EYS: variants seen among roughly 807,000 people sequenced by gnomAD.
EYS encodes protein eyes shut homolog.
Under a neutral mutation model 282.1 loss-of-function variants are expected in EYS, and 250 were observed. The ratio of observed to expected loss-of-function variants is 0.89; its 90% confidence interval spans 0.80 to 0.98. The LOEUF is 0.98. EYS is among the 50% of genes least tolerant of loss of function. EYS has a pLI of 0.00. For synonymous variants in EYS, 1,355 were observed against 1,282.9 expected (o/e 1.06, Z -1.20); for missense variants, 4,016 against 3,709.0 (o/e 1.08, Z -2.15).
At chr6:63,764,603 A>G (rs2149657290) in intron 40 of EYS, among the ~76,000 whole-genome samples, 1 of 152,112 alleles carries the variant, frequency 6.6e-6, no homozygotes, top group Non-Finnish European at 1.5e-5. Context: ...AGAGCTCACA[A>G]TGGTAAAATA....
chr6:64,332,707 C>T (rs951526705), intron 29 of EYS, among the ~76,000 whole-genome samples: 31 of 152,270 alleles, frequency 2.0e-4, no homozygotes, highest in East Asian at 1.9e-3. Flanking sequence ...GGTCGGTCCA[C>T]GCACAGCTGA....
chr6:64,837,792 G>A (rs988036539), intron 19 of EYS, among the ~76,000 whole-genome samples: 2 of 150,520 alleles, frequency 1.3e-5, no homozygotes, highest in East Asian at 2.0e-4. Context: ...AAAATCAGTG[G>A]CATTTCTATA....
intron 35 of EYS, among the ~76,000 whole-genome samples, chr6:63,885,955 G>A (rs1236043825): frequency 6.6e-6 from 1 of 152,100 alleles, no homozygotes; most frequent in African/African-American, 2.4e-5. Flanking sequence ...AACAATAAAC[G>A]ACTGACTGAC....
intron 26 of EYS, among the ~76,000 whole-genome samples, chr6:64,569,033 A>AAC (rs1193241903): frequency 6.6e-6 from 1 of 151,040 alleles, no homozygotes; most frequent in Admixed American, 6.6e-5. Flanking sequence ...AAAGAAAAAA[A>AAC]AAAAAAAAAA....
At chr6:64,448,709 G>A (rs539878757) in intron 26 of EYS, among the ~76,000 whole-genome samples, 17 of 152,312 alleles carry the variant, frequency 1.1e-4, no homozygotes, top group Admixed American at 7.2e-4. Context: ...AATATCCGCT[G>A]TTCTGCATCC....
At chr6:64,816,705 T>C (rs550603078) in intron 21 of EYS, among the ~76,000 whole-genome samples, 1 of 152,090 alleles carries the variant, frequency 6.6e-6, no homozygotes. Context: ...AAAATATTTC[T>C]AATAAACACA....
At chr6:64,944,773 A>T (rs924053318) in intron 15 of EYS, among the ~76,000 whole-genome samples, 1 of 152,126 alleles carries the variant, frequency 6.6e-6, no homozygotes, top group Non-Finnish European at 1.5e-5. Context: ...CATTTGTTCA[A>T]TTCTGAGATC....
At position 65,552,769 on chromosome 6, in the gene EYS, CTGTGATGATACTAA is replaced by C. The variant is rs1056989293; in HGVS notation, c.-332-56790_-332-56777del. ...TTTTTAAATTTAATTTACTCTCAAA[CTGTGATGATACTAA>C]TGTAATTATCTTTCATATTAGAGCT... is the stretch of plus-strand genomic sequence containing the variant. On this transcript the variant is annotated intron_variant, in intron 2 of 42. Transcript: ENST00000503581. Among the ~76,000 whole-genome samples, 67 of 152,212 alleles carry C rather than the reference CTGTGATGATACTAA, an allele frequency of 4.4e-4. 1 individual carries two copies. In the South Asian group the frequency reaches 8.3e-3, roughly 19 times the overall value.
intron 22 of EYS, among the ~76,000 whole-genome samples, chr6:64,630,749 TCC>T (rs1767752170): frequency 6.6e-6 from 1 of 152,208 alleles, no homozygotes; most frequent in Non-Finnish European, 1.5e-5. Context: ...TACTCTTTGT[TCC>T]TTCAAGGTTA....
chr6:63,849,977 C>T (rs989372030), intron 36 of EYS, among the ~76,000 whole-genome samples: 2 of 152,086 alleles, frequency 1.3e-5, no homozygotes, highest in African/African-American at 2.4e-5. Context: ...TAGAGAAGAA[C>T]ATAAATGATC....
intron 24 of EYS, among the ~76,000 whole-genome samples, chr6:64,608,481 G>C (rs897219515): frequency 6.6e-6 from 1 of 152,064 alleles, no homozygotes; most frequent in African/African-American, 2.4e-5. Context: ...AATGCAAAAT[G>C]GTACAAATAT....
chr6:63,908,178 G>GTC (rs1488050171), intron 35 of EYS, among the ~76,000 whole-genome samples: 9 of 151,132 alleles, frequency 6.0e-5, no homozygotes, highest in Non-Finnish European at 1.3e-4. Flanking sequence ...AAACATACAA[G>GTC]TGCAGATATC....
In EYS at chr6:65,280,855, T is replaced by TAA. The variant is rs539220801; in HGVS notation, c.2023+15006_2023+15007dup. ...CAGCAAAGTGAAACCCCGTCTGTAC[T>TAA]AAAAAAAAAAATATATATATATATA... On this transcript the variant is annotated intron_variant, in intron 12 of 42. Coordinates refer to ENST00000503581, the MANE Select transcript of EYS (RefSeq NM_001142800.2). Among the ~76,000 whole-genome samples the TAA allele has an allele frequency of 1.3e-3, 183 of 142,796 alleles. 1 individual carries two copies. Among genetic ancestry groups the TAA allele is most frequent in the African/African-American group, 3.0e-3 (117 of 39,486 alleles). The allele number at this position is 142,796 out of a possible 152,430, so 93.7% of individuals were successfully genotyped here.
intron 31 of EYS, among the ~76,000 whole-genome samples, chr6:64,084,114 T>G (rs1464915204): frequency 3.9e-5 from 6 of 152,238 alleles, no homozygotes; most frequent in African/African-American, 1.4e-4. Flanking sequence ...ATTTGAAATT[T>G]AAATTTAAGA....
In EYS at chr6:64,132,697, TATAA is replaced by T. The variant is rs200198938; in HGVS notation, c.6425-50699_6425-50696del. Among the ~76,000 whole-genome samples the T allele has an allele frequency of 5.3e-5, 8 of 151,924 alleles. No individual in the cohort carries two copies. In the East Asian group the frequency reaches 1.2e-3, roughly 22 times the overall value. On this transcript the variant is annotated intron_variant, in intron 31 of 42. Coordinates refer to ENST00000503581, the MANE Select transcript of EYS (RefSeq NM_001142800.2). ...TAAATATACAGGACTCTTAAAATTA[TATAA>T]ATATTTAAAAATATTCAGTATATTC...
At chr6:64,143,533 G>T (rs1774411980) in intron 31 of EYS, among the ~76,000 whole-genome samples, 1 of 152,124 alleles carries the variant, frequency 6.6e-6, no homozygotes, top group Non-Finnish European at 1.5e-5. Context: ...ACATGGCTCA[G>T]ATTCTGGGAA....
In EYS at chr6:65,309,957, T is replaced by G. The variant is rs539151605; in HGVS notation, c.1767-13838A>C. The stretch of plus-strand genomic sequence containing the variant: ...CCCTTGATCCCTGTTCAATTTTTCT[T>G]GGTTGAATAGCCATATTGATCCTTT... On this transcript the variant is annotated intron_variant, in intron 11 of 42. Transcript: ENST00000503581. 3.6e-4 allele frequency among the ~76,000 whole-genome samples: 55 copies of G among 152,344 alleles called. No homozygotes were observed. The South Asian group carries it at 3.9e-3, about 11-fold the overall frequency.
chr6:64,103,488 C>T (rs1474022261), intron 31 of EYS, among the ~76,000 whole-genome samples: 1 of 152,042 alleles, frequency 6.6e-6, no homozygotes, highest in African/African-American at 2.4e-5. Context: ...GAGGCAAGAA[C>T]ATGAGCAAGG....
At chr6:65,613,059 C>T (rs1401061695) in intron 2 of EYS, among the ~76,000 whole-genome samples, 2 of 151,872 alleles carry the variant, frequency 1.3e-5, no homozygotes, top group East Asian at 3.9e-4. Context: ...GTAAATGAAA[C>T]AGCTACAGAG....
Sources: gnomAD v4.1 joint callset for allele counts (sites outside exome capture counted in the v4.1 genomes callset) on GRCh38, gnomAD v4.1.1 for gene constraint, MANE v1.5 for transcripts, NCBI Gene and HGNC (gene_info 2026-07-23, HGNC 2026-07-21) for gene names.